The following AMPH variants were observed in gnomAD, a reference collection of about 807,000 sequenced individuals.
AMPH encodes the protein amphiphysin (Stiff-Mann syndrome with breast cancer 128kD autoantigen).
A neutral mutation model predicts 99.1 loss-of-function variants in AMPH; 49 were observed. The observed-to-expected ratio is 0.49, with a 90% confidence interval of 0.39 to 0.63. AMPH has a LOEUF of 0.63. Among genes scored for constraint, AMPH ranks in the 20% least tolerant of loss-of-function variants. AMPH has a pLI of 0.00. For synonymous variants in AMPH, 314 were observed against 317.3 expected (o/e 0.99, Z 0.11); for missense variants, 759 against 863.4 (o/e 0.88, Z 1.52).
chr7:38,392,325 G>GA (rs1784526694), intron 18 of AMPH, among the ~76,000 whole-genome samples: 1 of 151,248 alleles, frequency 6.6e-6, no homozygotes, highest in African/African-American at 2.4e-5. Flanking sequence ...AAGGGTGAGG[G>GA]AGGCCATCCT....
In AMPH at chr7:38,530,778, A is replaced by C. The variant is rs1423910055; in HGVS notation, c.150+4153T>G. ...ACTGAAAGCAGGTGATGTTCACACC[A>C]GTCAATTTTGCTACTTGTTAACAGC... On this transcript the variant is annotated intron_variant, in intron 2 of 20. Coordinates refer to ENST00000356264, the MANE Select transcript of AMPH (RefSeq NM_001635.4). 3.3e-5 allele frequency among the ~76,000 whole-genome samples: 5 copies of C among 152,224 alleles called. No homozygotes were observed. The South Asian group carries it at 1.0e-3, about 32-fold the overall frequency.
At chr7:38,568,072 T>C in intron 1 of AMPH, among the ~76,000 whole-genome samples, 1 of 152,234 alleles carries the variant, frequency 6.6e-6, no homozygotes, top group East Asian at 1.9e-4. Context: ...TCCAAGTGTC[T>C]TCACGCTCCC....
chr7:38,427,877 A>G (rs1257297106), intron 14 of AMPH: 1 of 456,614 alleles, frequency 2.2e-6, no homozygotes, highest in Non-Finnish European at 4.4e-6. Context: ...ACAACAATCC[A>G]TATCTCTGGT....
chr7:38,428,551 G>A, intron 14 of AMPH: 1 of 456,658 alleles, frequency 2.2e-6, no homozygotes, highest in South Asian at 1.5e-5. Flanking sequence ...GTACTGTCTT[G>A]TGCTGGGTAA....
chr7:38,388,571 C>G (rs1784407269), intron 20 of AMPH, among the ~76,000 whole-genome samples: 1 of 151,252 alleles, frequency 6.6e-6, no homozygotes, highest in Non-Finnish European at 1.5e-5. Context: ...TTATTTGACC[C>G]ATGGGTTATT....
chr7:38,605,276 GAAGA>G (rs978741401), intron 1 of AMPH, among the ~76,000 whole-genome samples: 4 of 152,134 alleles, frequency 2.6e-5, no homozygotes, highest in African/African-American at 9.7e-5. Context: ...AAAGCAAGAG[GAAGA>G]AAGGGGTTTT....
At chr7:38,540,276 G>C (rs191278091) in intron 1 of AMPH, among the ~76,000 whole-genome samples, 1 of 152,188 alleles carries the variant, frequency 6.6e-6, no homozygotes, top group Non-Finnish European at 1.5e-5. Flanking sequence ...GTTACTTTTA[G>C]TGCTGCTGTT....
At chr7:38,394,590 A>T (rs2392567) in intron 17 of AMPH, among the ~76,000 whole-genome samples, 146,769 of 152,292 alleles carry the variant, frequency 0.96, 70,793 homozygotes, top group East Asian at 1. Flanking sequence ...GAAAGAAATA[A>T]AATTGAATCT....
chr7:38,546,092 A>C (rs1394964553), intron 1 of AMPH, among the ~76,000 whole-genome samples: 1 of 152,188 alleles, frequency 6.6e-6, no homozygotes, highest in African/African-American at 2.4e-5. Flanking sequence ...AAGATTGCTC[A>C]AGAAGGAACT....
At chr7:38,514,634 G>A (rs1789667768) in intron 2 of AMPH, among the ~76,000 whole-genome samples, 2 of 152,122 alleles carry the variant, frequency 1.3e-5, no homozygotes, top group South Asian at 4.1e-4. Context: ...ATGGGAGTGG[G>A]CTCCTGGTAT....
chr7:38,579,404 C>T (rs527492322), intron 1 of AMPH, among the ~76,000 whole-genome samples: 87 of 152,332 alleles, frequency 5.7e-4, no homozygotes, highest in Non-Finnish European at 1.1e-3. Flanking sequence ...AGATCAGCAT[C>T]CTTAAGCTTC....
In AMPH at chr7:38,384,319, T is replaced by G. The variant is rs1440304562; in HGVS notation, c.*499A>C. On this transcript the variant is annotated 3_prime_UTR_variant, in exon 21 of 21. Coordinates refer to ENST00000356264, the MANE Select transcript of AMPH (RefSeq NM_001635.4). Reference sequence around the variant, plus strand: ...GCGTGACTGTGTGTCCATATATATATAGATGTGTTGGAAAAGAACATTGAG... The same window carrying G: ...GCGTGACTGTGTGTCCATATATATAGAGATGTGTTGGAAAAGAACATTGAG... 1 of 158,644 alleles carries G rather than the reference T, an allele frequency of 6.3e-6. No homozygotes were observed. Among genetic ancestry groups the G allele is most frequent in the African/African-American group, 2.4e-5 (1 of 41,530 alleles). The allele number at this position is 158,644 out of a possible 1,614,324, so 9.8% of individuals were successfully genotyped here. A position where few individuals can be genotyped will look rare whatever the true frequency, so the allele number is the denominator to read the frequency against.
intron 5 of AMPH, among the ~76,000 whole-genome samples, chr7:38,480,705 C>T (rs573952740): frequency 6.6e-6 from 1 of 152,216 alleles, no homozygotes; most frequent in East Asian, 1.9e-4. Context: ...GAGTGGAAAC[C>T]CTTCAATTAG....
rs116868885 is a variant in AMPH, at chr7:38,555,723, C to A, written c.70-20712G>T. 7.9e-4 allele frequency among the ~76,000 whole-genome samples: 121 copies of A among 152,240 alleles called. 1 individual carries two copies. In the East Asian group the frequency reaches 0.019, roughly 24 times the overall value. On this transcript the variant is annotated intron_variant, in intron 1 of 20. Transcript: ENST00000356264. ...TATAAAAATTAGATAGATCTGAAGG[C>A]TATGAGCAAGTATGTTTCCACTGCC...
intron 5 of AMPH, among the ~76,000 whole-genome samples, chr7:38,490,756 A>C (rs1788687064): frequency 6.6e-6 from 1 of 152,224 alleles, no homozygotes; most frequent in African/African-American, 2.4e-5. Flanking sequence ...ATTATAAAGA[A>C]GATTGGAACT....
intron 1 of AMPH, among the ~76,000 whole-genome samples, chr7:38,605,354 A>G (rs1218295945): frequency 1.3e-5 from 2 of 152,234 alleles, no homozygotes; most frequent in Admixed American, 1.3e-4. Context: ...AAGCATCTCT[A>G]GAACATTCTG....
chr7:38,399,753 T>G (rs1199968136), intron 17 of AMPH, among the ~76,000 whole-genome samples: 1 of 152,216 alleles, frequency 6.6e-6, no homozygotes, highest in African/African-American at 2.4e-5. Flanking sequence ...ACTTCAAGCC[T>G]TTCATACCCA....
intron 2 of AMPH, among the ~76,000 whole-genome samples, chr7:38,533,397 A>G (rs1024278746): frequency 6.6e-6 from 1 of 152,158 alleles, no homozygotes; most frequent in African/African-American, 2.4e-5. Context: ...TTGCTATCCC[A>G]TTCATGGTAA....
chr7:38,547,376 C>T (rs1039305019), intron 1 of AMPH, among the ~76,000 whole-genome samples: 14 of 152,136 alleles, frequency 9.2e-5, no homozygotes, highest in South Asian at 2.1e-4. Context: ...CTGTGCGTTA[C>T]GGTGTAGAAA....
Sources: gnomAD v4.1 joint callset for allele counts (sites outside exome capture counted in the v4.1 genomes callset) on GRCh38, gnomAD v4.1.1 for gene constraint, MANE v1.5 for transcripts, NCBI Gene and HGNC (gene_info 2026-07-23, HGNC 2026-07-21) for gene names.